PKP1: variants seen among roughly 807,000 people sequenced by gnomAD.
PKP1 encodes the protein plakophilin 1.
PKP1 carries 27 observed loss-of-function variants against 76.4 expected under a neutral mutation model. The ratio of observed to expected loss-of-function variants is 0.35; its 90% CI spans 0.26 to 0.49. The LOEUF is 0.49. PKP1 is among the 20% of genes least tolerant of loss of function. The pLI is 0.99. For missense variants in PKP1, 964 were observed against 955.2 expected, an observed-to-expected ratio of 1.01 and a Z score of -0.12; for synonymous variants, 404 against 384.2, an observed-to-expected ratio of 1.05 and a Z score of -0.60.
intron 4 of PKP1, 108 bp downstream of exon 4, chr1:201,316,805 T>C: frequency 8.0e-7 from 1 of 1,245,540 alleles, no homozygotes; most frequent in Non-Finnish European, 1.2e-6. Flanking sequence ...TGGCTTCTCT[T>C]GCCTTGCCCA....
chr1:201,315,801 C>T (rs921430870), intron 3 of PKP1, among the ~76,000 whole-genome samples: 2 of 152,140 alleles, frequency 1.3e-5, no homozygotes, highest in Admixed American at 6.6e-5. Flanking sequence ...ATGGAGAAGC[C>T]GCTGATGGTT....
Position 201,324,483 on chromosome 1 carries a change from T to C in PKP1, c.1736T>C (p.Ile579Thr). ...IGLKEKGLPQ[I>T]ARLLQSGNSD... ...CTGAAGGAAAAGGGCCTGCCACAAA[T>C]TGCCCGCCTCCTGCAATCTGGCAAC... Residue 579 changes from isoleucine (I) to threonine (T), a missense_variant, in exon 10 of 14, where the codon ATT (isoleucine) becomes ACT (threonine). By Grantham distance (89) the Ile-to-Thr change is moderately conservative. Transcript: ENST00000367324. 1 of 1,614,126 alleles carries C rather than the reference T, an allele frequency of 6.2e-7. No homozygotes were observed. The highest frequency in any genetic ancestry group is 1.3e-5 in the African/African-American group (1 of 75,044).
chr1:201,292,765 C>T (rs902529881), intron 1 of PKP1, among the ~76,000 whole-genome samples: 1 of 152,172 alleles, frequency 6.6e-6, no homozygotes, highest in African/African-American at 2.4e-5. Flanking sequence ...AGTGCATATC[C>T]CTCTTAGGAG....
chr1:201,305,100 G>T (rs535776043), intron 2 of PKP1, among the ~76,000 whole-genome samples: 9 of 152,322 alleles, frequency 5.9e-5, no homozygotes, highest in African/African-American at 2.2e-4. Flanking sequence ...CAGGTGGGGA[G>T]TGCATATAGA....
At position 201,297,789 on chromosome 1, in the gene PKP1, C is replaced by T. The variant is rs115739522; in HGVS notation, c.306+3744C>T. On this transcript the variant is annotated intron_variant, in intron 2 of 13. Transcript: ENST00000367324. ...TCCATTTCCTCCCTTCCCATCCCCT[C>T]CAACCAGGCCTACTCTCACCATGGG... Among the ~76,000 whole-genome samples the T allele has an allele frequency of 5.8e-3, 888 of 152,296 alleles. 5 individuals are homozygous for T. Among genetic ancestry groups the T allele is most frequent in the Non-Finnish European group, 7.2e-3 (493 of 68,018 alleles).
Position 201,330,376 on chromosome 1 carries a change from T to C in PKP1, c.*335T>C, listed in dbSNP as rs2102191505. ...GTGTGTGCATGCATGTGCGCGTGCA[T>C]GTGTGTGTGTGTGAGTGTCTTAAAG... is the stretch of plus-strand genomic sequence containing the variant. On this transcript the variant is annotated 3_prime_UTR_variant, in exon 14 of 14. Transcript: ENST00000367324. 1 of 151,752 alleles carries C rather than the reference T, an allele frequency of 6.6e-6. No individual in the cohort carries two copies. Among genetic ancestry groups the C allele is most frequent in the South Asian group, 2.1e-4 (1 of 4,812 alleles). The allele number at this position is 151,752 out of a possible 1,614,324, so 9.4% of individuals were successfully genotyped here.
chr1:201,318,769 C>G lies in PKP1; in HGVS notation c.1206C>G (p.Val402=). ...CCCGGGAAGTGGTGGACCCTGAGGT[C>G]TTCTTCAATGCCACAGGCTGCTTGA... is the stretch of plus-strand genomic sequence containing the variant. ...NMSREVVDPE[V]FFNATGCLRN... is the part of the protein sequence containing the mutation. The change falls in exon 6 of 14, where the codon GTC becomes GTG. Residue 402 remains valine (V), a synonymous_variant. Transcript: ENST00000367324. 6.2e-7 allele frequency: 1 copy of G among 1,608,544 alleles called. No individual in the cohort carries two copies. The highest frequency in any genetic ancestry group is 2.2e-5 in the East Asian group (1 of 44,800).
chr1:201,323,332 TG>T, intron 9 of PKP1, 143 bp downstream of exon 9: 10 of 773,534 alleles, frequency 1.3e-5, no homozygotes, highest in South Asian at 1.1e-4. Flanking sequence ...TGCTGGGCTC[TG>T]GGCTGGGCAA....
At chr1:201,314,597 A>T (rs1245023149) in intron 3 of PKP1, among the ~76,000 whole-genome samples, 1 of 152,254 alleles carries the variant, frequency 6.6e-6, no homozygotes, top group Non-Finnish European at 1.5e-5. Context: ...GAAACAAAGG[A>T]GACCAAATGG....
chr1:201,315,374 G>T (rs563310658), intron 3 of PKP1, among the ~76,000 whole-genome samples: 1 of 152,364 alleles, frequency 6.6e-6, no homozygotes, highest in Admixed American at 6.5e-5. Flanking sequence ...CTAAAACCAT[G>T]GGTATTTATT....
intron 6 of PKP1, chr1:201,319,760 C>A: frequency 1.9e-6 from 3 of 1,573,626 alleles, no homozygotes; most frequent in Non-Finnish European, 2.6e-6. Context: ...CCCAGCCCGG[C>A]CACCCCCAGA....
At chr1:201,287,112 T>G (rs1655765256) in intron 1 of PKP1, among the ~76,000 whole-genome samples, 1 of 152,226 alleles carries the variant, frequency 6.6e-6, no homozygotes, top group Non-Finnish European at 1.5e-5. Flanking sequence ...CTGTGATTTT[T>G]TATTTCAGCC....
intron 1 of PKP1, among the ~76,000 whole-genome samples, chr1:201,290,185 C>T (rs537267658): frequency 1.3e-5 from 2 of 152,318 alleles, no homozygotes; most frequent in East Asian, 1.9e-4. Context: ...GATGGTTTTA[C>T]ACCCTAAAAC....
chr1:201,319,521 C>A (rs1656872799), intron 6 of PKP1, among the ~76,000 whole-genome samples: 1 of 152,180 alleles, frequency 6.6e-6, no homozygotes, highest in Non-Finnish European at 1.5e-5. Context: ...GTGTTTCTCC[C>A]TGCCAGCCTC....
At chr1:201,320,892 A>G (rs1013059305) in intron 7 of PKP1, among the ~76,000 whole-genome samples, 1 of 152,118 alleles carries the variant, frequency 6.6e-6, no homozygotes, top group African/African-American at 2.4e-5. Context: ...TGCCACTGCT[A>G]TCTTCCCACT....
At chr1:201,319,221 G>T (rs533733812) in intron 6 of PKP1, among the ~76,000 whole-genome samples, 3 of 152,314 alleles carry the variant, frequency 2.0e-5, no homozygotes, top group African/African-American at 7.2e-5. Flanking sequence ...ATGTTCATTG[G>T]CATGAAGATG....
intron 6 of PKP1, chr1:201,319,740 G>A: frequency 2.1e-6 from 3 of 1,458,020 alleles, no homozygotes; most frequent in South Asian, 1.1e-5. Context: ...TGGAGAGGGA[G>A]CTTCTGGTGC....
Position 201,313,286 on chromosome 1 carries a change from G to A in PKP1, c.427G>A (p.Asp143Asn), listed in dbSNP as rs746108244. 25 of 1,602,880 alleles carry A rather than the reference G, an allele frequency of 1.6e-5. No homozygotes were observed. The highest frequency in any genetic ancestry group is 2.2e-5 in the South Asian group (2 of 89,172). The change falls in exon 3 of 14, where the codon GAC becomes AAC. Residue 143 changes from aspartate to asparagine, a missense_variant. Coordinates refer to ENST00000367324, the MANE Select transcript of PKP1 (RefSeq NM_001005337.3). ...CTGTAACACCACCGGCGCAGGCAGC[G>A]ACATCTGCTTCATGCAGAAAATCAA... ...GSCNTTGAGS[D>N]ICFMQKIKAS... is the part of the protein sequence containing the mutation.
At chr1:201,296,960 A>G (rs929239041) in intron 2 of PKP1, among the ~76,000 whole-genome samples, 1 of 152,230 alleles carries the variant, frequency 6.6e-6, no homozygotes, top group Non-Finnish European at 1.5e-5. Flanking sequence ...CCTCCTATAC[A>G]TATCTCATTT....
Sources: gnomAD v4.1 joint callset for allele counts (sites outside exome capture counted in the v4.1 genomes callset) on GRCh38, gnomAD v4.1.1 for gene constraint, MANE v1.5 for transcripts, NCBI Gene and HGNC (gene_info 2026-07-23, HGNC 2026-07-21) for gene names.